The following BCL9 variants were observed in gnomAD, a reference collection of about 807,000 sequenced individuals.
BCL9 encodes BCL9 transcription coactivator.
BCL9 carries 25 observed loss-of-function variants against 88.5 expected under a neutral mutation model. The ratio of observed to expected loss-of-function variants is 0.28; its 90% CI spans 0.21 to 0.39. The LOEUF is 0.39. BCL9 is among the 10% of genes least tolerant of loss of function. BCL9 has a pLI of 1.00. For missense variants in BCL9, 1,817 were observed against 1,877.8 expected, an observed-to-expected ratio of 0.97 and a Z score of 0.60; for synonymous variants, 711 against 673.3, an observed-to-expected ratio of 1.06 and a Z score of -0.87.
chr1:147,590,372 A>G (rs1656795483), intron 1 of BCL9, among the ~76,000 whole-genome samples: 1 of 152,016 alleles, frequency 6.6e-6, no homozygotes, highest in African/African-American at 2.4e-5. Flanking sequence ...TGAATTTCCT[A>G]CTTCTTCATT....
chr1:147,605,037 C>T (rs1454496921), intron 2 of BCL9, 126 bp downstream of exon 2: 1 of 152,164 alleles, frequency 6.6e-6, no homozygotes, highest in South Asian at 2.1e-4. Flanking sequence ...TAAGAATTCT[C>T]AAGGCAAAAG....
At chr1:147,557,545 G>A (rs915394728) in intron 1 of BCL9, among the ~76,000 whole-genome samples, 2 of 152,060 alleles carry the variant, frequency 1.3e-5, no homozygotes, top group African/African-American at 2.4e-5. Context: ...GTGATCGCAG[G>A]GATATCCTCC....
chr1:147,618,538 A>G (rs1658418392), intron 7 of BCL9, among the ~76,000 whole-genome samples: 3 of 152,154 alleles, frequency 2.0e-5, no homozygotes, highest in Admixed American at 2.0e-4. Flanking sequence ...ACTGAAATGT[A>G]TTCACTTTGG....
rs587681700 is a variant in BCL9, at chr1:147,623,889, G to A, written c.3211G>A (p.Val1071Met). 114 of 1,614,120 alleles carry A rather than the reference G, an allele frequency of 7.1e-5. No homozygotes were observed. Among genetic ancestry groups the A allele is most frequent in the South Asian group, 5.1e-4 (46 of 91,088 alleles). The change falls in exon 10 of 10, where the codon GTG becomes ATG. Residue 1071 changes from valine (V) to methionine (M), a missense_variant. Around this residue, in one of 2 missense-constraint regions of BCL9, gnomAD observed 589 missense variants for 686.2 expected, o/e 0.86. Transcript: ENST00000234739. ...QNPRISGPNP[V>M]VPMPTLSPMG... Reference sequence around the variant, plus strand: ...TCCTCGAATTTCAGGTCCAAACCCCGTGGTTCCGATGCCAACCCTCAGCCC... The same window carrying A: ...TCCTCGAATTTCAGGTCCAAACCCCATGGTTCCGATGCCAACCCTCAGCCC...
intron 2 of BCL9, among the ~76,000 whole-genome samples, chr1:147,606,064 C>T (rs1163060328): frequency 6.6e-6 from 1 of 152,206 alleles, no homozygotes; most frequent in Admixed American, 6.5e-5. Flanking sequence ...CTGCAACTTG[C>T]TTCTCCCTTG....
rs1553205534 is a variant in BCL9, at chr1:147,622,307, C to A, written c.2939C>A (p.Ser980Tyr). ...CCTCCTACAGCCAGCCAGCCTGCCT[C>A]TGTGAATATCCCTGGAAGTCTTCCC... ...PPPPTASQPASVNIPGSLPSS... is the reference protein window; with the variant it reads ...PPPPTASQPAYVNIPGSLPSS... Residue 980 changes from serine to tyrosine, a missense_variant, in exon 9 of 10, where the codon TCT (serine) becomes TAT (tyrosine). Coordinates refer to ENST00000234739, the MANE Select transcript of BCL9 (RefSeq NM_004326.4). 2 of 1,614,244 alleles carry A rather than the reference C, an allele frequency of 1.2e-6. No individual in the cohort carries two copies. The highest frequency in any genetic ancestry group is 1.7e-6 in the Non-Finnish European group (2 of 1,180,042).
chr1:147,561,272 T>C (rs1002124516), intron 1 of BCL9, among the ~76,000 whole-genome samples: 2 of 152,190 alleles, frequency 1.3e-5, no homozygotes, highest in Non-Finnish European at 2.9e-5. Context: ...CCCATAAACC[T>C]ACCACGGGGA....
chr1:147,547,177 C>T (rs1427480830), intron 1 of BCL9, among the ~76,000 whole-genome samples: 1 of 151,864 alleles, frequency 6.6e-6, no homozygotes, highest in Non-Finnish European at 1.5e-5. Context: ...TGATATGTTA[C>T]GTATGTGTAT....
chr1:147,582,508 C>T (rs1325157563), intron 1 of BCL9, among the ~76,000 whole-genome samples: 2 of 152,122 alleles, frequency 1.3e-5, no homozygotes, highest in Admixed American at 6.5e-5. Flanking sequence ...AATTGATTTC[C>T]AGAAATGTTC....
intron 1 of BCL9, among the ~76,000 whole-genome samples, chr1:147,592,881 G>A (rs1656905890): frequency 6.6e-6 from 1 of 151,700 alleles, no homozygotes; most frequent in South Asian, 2.1e-4. Context: ...CACTTTATGG[G>A]GGAAAAAAAA....
At chr1:147,544,469 T>A (rs587594021) in intron 1 of BCL9, among the ~76,000 whole-genome samples, 126 of 152,286 alleles carry the variant, frequency 8.3e-4, no homozygotes, top group African/African-American at 3.0e-3. Flanking sequence ...TAATATCTGC[T>A]AATCCCCTAC....
chr1:147,600,879 G>A (rs1460379960), intron 1 of BCL9, among the ~76,000 whole-genome samples: 1 of 152,122 alleles, frequency 6.6e-6, no homozygotes, highest in Non-Finnish European at 1.5e-5. Context: ...AGTCATTGTG[G>A]GGGTCTTGGG....
intron 1 of BCL9, among the ~76,000 whole-genome samples, chr1:147,577,942 G>A (rs1656186447): frequency 6.6e-6 from 1 of 151,924 alleles, no homozygotes; most frequent in Non-Finnish European, 1.5e-5. Context: ...AAGACATTAT[G>A]TCTGTAAAGA....
At chr1:147,612,106 A>G (rs1261385743) in intron 4 of BCL9, among the ~76,000 whole-genome samples, 2 of 152,158 alleles carry the variant, frequency 1.3e-5, no homozygotes, top group African/African-American at 4.8e-5. Context: ...TCTTTTGTCC[A>G]TCATTCCCTG....
rs1039134245 is a variant in BCL9 at position 147,625,079 on chromosome 1, G to T, written c.*120G>T. On this transcript the variant is annotated 3_prime_UTR_variant, in exon 10 of 10. Transcript: ENST00000234739. ...ATGCAATAGGAGAACAGAGACCCGA[G>T]GGCTGCTTTGGGGGAGGGGGGAACT... 5.6e-6 allele frequency: 7 copies of T among 1,254,184 alleles called. No homozygotes were observed. The highest frequency in any genetic ancestry group is 2.9e-5 in the Admixed American group (1 of 34,902). The allele number at this position is 1,254,184 out of a possible 1,614,324, so 77.7% of individuals were successfully genotyped here.
chr1:147,604,166 C>T (rs1657535715), intron 1 of BCL9, among the ~76,000 whole-genome samples: 1 of 152,088 alleles, frequency 6.6e-6, no homozygotes, highest in Admixed American at 6.5e-5. Context: ...CCATTGAAGG[C>T]CATGCAAATT....
At chr1:147,549,866 C>T (rs587609546) in intron 1 of BCL9, among the ~76,000 whole-genome samples, 2 of 152,284 alleles carry the variant, frequency 1.3e-5, no homozygotes, top group Admixed American at 1.3e-4. Context: ...CTGCTTTGAT[C>T]TTCTAGCTTT....
intron 1 of BCL9, among the ~76,000 whole-genome samples, chr1:147,572,874 A>C (rs1182514645): frequency 6.6e-6 from 1 of 152,178 alleles, no homozygotes; most frequent in Non-Finnish European, 1.5e-5. Context: ...GCCGCTACAC[A>C]TGGCCACAGG....
intron 1 of BCL9, among the ~76,000 whole-genome samples, chr1:147,590,667 T>G (rs956210921): frequency 8.5e-5 from 13 of 152,358 alleles, no homozygotes; most frequent in Admixed American, 2.0e-4. Flanking sequence ...AGCTCCTTTA[T>G]TAAGTTACTT....
Sources: gnomAD v4.1 joint callset for allele counts (sites outside exome capture counted in the v4.1 genomes callset) on GRCh38, gnomAD v4.1.1 for gene constraint, gnomAD v4.1.1 regional missense constraint, MANE v1.5 for transcripts, NCBI Gene and HGNC (gene_info 2026-07-23, HGNC 2026-07-21) for gene names.